The following MAF variants were observed in gnomAD, a reference collection of about 807,000 sequenced individuals.
MAF encodes transcription factor Maf.
Under a neutral mutation model 22.0 loss-of-function variants are expected in MAF, and 10 were observed. That is an observed-to-expected ratio of 0.45 (90% CI 0.28 to 0.77). MAF has a LOEUF of 0.77. Ranked by LOEUF, MAF falls within the 30% of genes least tolerant of loss-of-function variation. The probability of loss-of-function intolerance (pLI) is 0.12; values close to 1 mark genes in which losing one functional copy is unlikely to be tolerated. For missense variants in MAF, 544 were observed against 548.4 expected (o/e 0.99, Z 0.08); for synonymous variants, 337 against 255.8 (o/e 1.32, Z -3.03).
At chr16:79,475,024 T>C in the MAF span, among the ~76,000 whole-genome samples, 1 of 152,226 alleles carries the variant, frequency 6.6e-6, no homozygotes. Flanking sequence ...TGTCTATCGC[T>C]AACAGTAAGG....
the MAF span, among the ~76,000 whole-genome samples, chr16:79,209,575 C>G: frequency 2.0e-5 from 3 of 152,130 alleles, no homozygotes; most frequent in Non-Finnish European, 4.4e-5. Context: ...GAGTTAATGG[C>G]AAGTCACTTG....
the MAF span, among the ~76,000 whole-genome samples, chr16:79,424,465 C>A: frequency 1.3e-5 from 2 of 152,120 alleles, no homozygotes; most frequent in African/African-American, 4.8e-5. Flanking sequence ...TGTGTGATCC[C>A]CCTCCTTGAT....
intron 1 of MAF, 142 bp downstream of exon 1, chr16:79,598,643 G>C: frequency 6.5e-7 from 1 of 1,528,572 alleles, no homozygotes; most frequent in Admixed American, 2.0e-5. Flanking sequence ...GTGTGTAGGG[G>C]GCCAAGGGGG....
the MAF span, among the ~76,000 whole-genome samples, chr16:79,518,906 C>T: frequency 1.6e-4 from 25 of 152,174 alleles, no homozygotes; most frequent in Admixed American, 5.2e-4. Flanking sequence ...GTCTGGGTGA[C>T]AAGAGTGAAA....
the MAF span, among the ~76,000 whole-genome samples, chr16:79,247,508 G>A: frequency 2.0e-5 from 3 of 152,258 alleles, no homozygotes; most frequent in Admixed American, 2.0e-4. Flanking sequence ...TGTTTGCTGA[G>A]CTTTGTGAAA....
chr16:79,277,485 A>G, the MAF span, among the ~76,000 whole-genome samples: 1 of 152,204 alleles, frequency 6.6e-6, no homozygotes, highest in Admixed American at 6.5e-5. Context: ...CATATGCTAA[A>G]CTTCATATTA....
At chr16:79,357,601 T>A in the MAF span, among the ~76,000 whole-genome samples, 3 of 152,196 alleles carry the variant, frequency 2.0e-5, no homozygotes, top group South Asian at 4.1e-4. Flanking sequence ...GTGACTTTGC[T>A]AATTACTGTC....
At position 79,599,435 on chromosome 16, in the gene MAF, C is replaced by G. The variant is rs1183759983; in HGVS notation, c.468G>C (p.Glu156Asp). 73 of 1,229,386 alleles carry G rather than the reference C, an allele frequency of 5.9e-5. No homozygotes were observed. The highest frequency in any genetic ancestry group is 5.0e-4 in the East Asian group (15 of 29,912). The allele number at this position is 1,229,386 out of a possible 1,614,324, so 76.2% of individuals were successfully genotyped here. Reference sequence around the variant, plus strand: ...ACACCACGGCGGCGGCGGGGCCCATCTCCTCGCCGCTGCCGCCCAAGGAGG... The same window carrying G: ...ACACCACGGCGGCGGCGGGGCCCATGTCCTCGCCGCTGCCGCCCAAGGAGG... ...AGASLGGSGE[E>D]MGPAAAVVSA... Residue 156 changes from glutamate to aspartate, a missense_variant, in exon 1 of 2, where the codon GAG (glutamate) becomes GAC (aspartate). Transcript: ENST00000326043.
the MAF span, among the ~76,000 whole-genome samples, chr16:79,302,573 G>A: frequency 1.3e-5 from 2 of 152,186 alleles, no homozygotes; most frequent in South Asian, 4.1e-4. Context: ...CTTCTTCCAA[G>A]CACCTCCTTT....
the MAF span, among the ~76,000 whole-genome samples, chr16:79,358,683 G>A: frequency 2.4e-4 from 37 of 152,320 alleles, no homozygotes; most frequent in Admixed American, 6.5e-5. Context: ...CATGCAGGAA[G>A]GCATGAAGTG....
At chr16:79,588,619 G>A (rs1567558644) in intron 1 of MAF, among the ~76,000 whole-genome samples, 1 of 151,728 alleles carries the variant, frequency 6.6e-6, no homozygotes, top group Non-Finnish European at 1.5e-5. Context: ...GTGCCCCCAC[G>A]TCCTGCTAAC....
the MAF span, among the ~76,000 whole-genome samples, chr16:79,493,810 A>C: frequency 1.3e-5 from 2 of 152,238 alleles, no homozygotes; most frequent in Admixed American, 6.5e-5. Context: ...TGAGAAAACA[A>C]GTTCCAAGGA....
the MAF span, among the ~76,000 whole-genome samples, chr16:79,424,442 G>C: frequency 6.6e-6 from 1 of 152,108 alleles, no homozygotes; most frequent in East Asian, 1.9e-4. Flanking sequence ...CTGCGGGCCT[G>C]GGCACTTTTG....
At chr16:79,560,000 G>A in the MAF span, among the ~76,000 whole-genome samples, 2,686 of 152,240 alleles carry the variant, frequency 0.018, 75 homozygotes, top group African/African-American at 0.061. Context: ...AACCTCTGGG[G>A]CTCAAGCAAT....
In MAF at chr16:79,600,104, G is replaced by GCCCT. The variant is rs1913928335; in HGVS notation, c.-206_-203dup. 3.8e-6 allele frequency: 2 copies of GCCCT among 520,940 alleles called. No individual in the cohort carries two copies. Among genetic ancestry groups the GCCCT allele is most frequent in the Non-Finnish European group, 6.1e-6 (2 of 325,860 alleles). The allele number at this position is 520,940 out of a possible 1,614,324, so 32.3% of individuals were successfully genotyped here. A position where few individuals can be genotyped will look rare whatever the true frequency, so the allele number is the denominator to read the frequency against. ...CGCCCTGCCCGCGCCCCCCGCGCCC[G>GCCCT]CCCTCCCTCCCCCCTGCTCACGCCA... is the stretch of plus-strand genomic sequence containing the variant. On this transcript the variant is annotated 5_prime_UTR_variant, in exon 1 of 2. Coordinates refer to ENST00000326043, the MANE Select transcript of MAF (RefSeq NM_005360.5).
the MAF span, among the ~76,000 whole-genome samples, chr16:79,474,490 G>T: frequency 2.6e-5 from 4 of 152,160 alleles, no homozygotes; most frequent in Non-Finnish European, 5.9e-5. Flanking sequence ...GGAAGGGAAT[G>T]GTGTGGGCTC....
chr16:79,457,922 C>A, the MAF span, among the ~76,000 whole-genome samples: 4,752 of 152,154 alleles, frequency 0.031, 74 homozygotes, highest in Middle Eastern at 0.044. Flanking sequence ...CATATGATTT[C>A]CTTATCCCAA....
chr16:79,259,018 C>T, the MAF span, among the ~76,000 whole-genome samples: 1 of 152,174 alleles, frequency 6.6e-6, no homozygotes, highest in Non-Finnish European at 1.5e-5. Flanking sequence ...TCCCAGATTA[C>T]ATTTTGGGAG....
the MAF span, among the ~76,000 whole-genome samples, chr16:79,314,018 C>T: frequency 6.6e-6 from 1 of 152,182 alleles, no homozygotes; most frequent in African/African-American, 2.4e-5. Flanking sequence ...TTTTGGTGGA[C>T]TGGTGACTAC....
Sources: gnomAD v4.1 joint callset for allele counts (sites outside exome capture counted in the v4.1 genomes callset) on GRCh38, gnomAD v4.1.1 for gene constraint, MANE v1.5 for transcripts, NCBI Gene and HGNC (gene_info 2026-07-23, HGNC 2026-07-21) for gene names.